The following MTOR variants were observed in gnomAD, a reference collection of about 807,000 sequenced individuals.
The protein encoded by MTOR is serine/threonine-protein kinase mTOR.
In MTOR, 70 loss-of-function variants were observed where a neutral mutation model predicts 319.8. That is an observed-to-expected ratio of 0.22 (90% CI 0.18 to 0.27). The LOEUF is 0.27. MTOR is among the 10% of genes least tolerant of loss of function. The pLI is 1.00. For missense variants in MTOR, 1,890 were observed against 3,274.4 expected, an observed-to-expected ratio of 0.58 and a Z score of 10.32; for synonymous variants, 1,183 against 1,211.4, an observed-to-expected ratio of 0.98 and a Z score of 0.49.
intron 28 of MTOR, chr1:11,192,304 G>A: frequency 6.2e-7 from 1 of 1,614,052 alleles, no homozygotes; most frequent in Non-Finnish European, 8.5e-7. Flanking sequence ...TCTACCAGAA[G>A]AACTACCGCA....
Position 11,128,867 on chromosome 1 carries a change from A to G in MTOR, c.5799T>C (p.Asp1933=), listed in dbSNP as rs766184830. 8.7e-6 allele frequency: 14 copies of G among 1,613,506 alleles called. No homozygotes were observed. The highest frequency in any genetic ancestry group is 3.3e-5 in the Admixed American group (2 of 59,978). The change falls in exon 41 of 58, where the codon GAT becomes GAC. Residue 1933 remains aspartate, a synonymous_variant. Transcript: ENST00000361445. The surrounding 1 kb of genome is among the most constrained non-coding windows in gnomAD (Gnocchi z 5.3). ...LVEGVKAIQI[D]TWLQVIPQLI... ...CAAGTATCCTCACCTGTAGCCAGGT[A>G]TCAATCTGGATGGCTTTCACCCCCT... is the stretch of plus-strand genomic sequence containing the variant.
At chr1:11,130,846 G>A (rs1415627974) in intron 38 of MTOR, 69 bp from the exon 39 acceptor site, 1 of 1,509,896 alleles carries the variant, frequency 6.6e-7, no homozygotes, top group Non-Finnish European at 8.9e-7. Flanking sequence ...AGGAGCGCAA[G>A]GTCGATGCTG....
intron 28 of MTOR, among the ~76,000 whole-genome samples, chr1:11,190,469 G>A (rs1233051759): frequency 6.6e-6 from 1 of 152,176 alleles, no homozygotes; most frequent in Non-Finnish European, 1.5e-5. Flanking sequence ...AGAGTTAAGT[G>A]TAGAGACACA....
chr1:11,132,139 A>G (rs1312337784), intron 38 of MTOR: 1 of 152,232 alleles, frequency 6.6e-6, no homozygotes, highest in African/African-American at 2.4e-5. Context: ...AACTAAAACT[A>G]AAGTTCCTGA....
At position 11,157,137 on chromosome 1, in the gene MTOR, T is replaced by C. The variant is rs373904935; in HGVS notation, c.4469+15A>G. 3.3e-5 allele frequency: 52 copies of C among 1,590,702 alleles called. 1 individual carries two copies. In the African/African-American group the frequency reaches 7.0e-4, roughly 22 times the overall value. ...TCTCTTGCAGCCACACATGCCATCATTCTAGGAAGCTCACCATTCCCCCAA... is the reference window on the plus strand; with the variant it reads ...TCTCTTGCAGCCACACATGCCATCACTCTAGGAAGCTCACCATTCCCCCAA... On this transcript the variant is annotated intron_variant, in intron 30 of 57. Coordinates refer to ENST00000361445, the MANE Select transcript of MTOR (RefSeq NM_004958.4).
chr1:11,126,536 G>A, intron 46 of MTOR, 86 bp downstream of exon 46: 1 of 1,434,146 alleles, frequency 7.0e-7, no homozygotes, highest in Non-Finnish European at 9.5e-7. Flanking sequence ...TAGTGGGAAT[G>A]GCAAGCAGTA....
intron 29 of MTOR, among the ~76,000 whole-genome samples, chr1:11,161,567 G>A (rs1644479617): frequency 6.6e-6 from 1 of 152,166 alleles, no homozygotes; most frequent in Non-Finnish European, 1.5e-5. Flanking sequence ...ACACGGCTGG[G>A]TGCCCCTCTG....
chr1:11,204,510 T>C, intron 26 of MTOR, 51 bp downstream of exon 26: 2 of 1,560,138 alleles, frequency 1.3e-6, no homozygotes, highest in Non-Finnish European at 1.7e-6. Flanking sequence ...CTAATTTGTA[T>C]ATATCGTTTT....
intron 26 of MTOR, among the ~76,000 whole-genome samples, chr1:11,200,741 C>T (rs1390015608): frequency 6.6e-6 from 1 of 152,056 alleles, no homozygotes; most frequent in Admixed American, 6.5e-5. Context: ...TAAGGCCAGG[C>T]GTGGTGGCTC....
At chr1:11,123,895 C>T (rs1642676031) in intron 47 of MTOR, among the ~76,000 whole-genome samples, 1 of 152,114 alleles carries the variant, frequency 6.6e-6, no homozygotes. Context: ...TCAAGCAATT[C>T]TCGTGCCTCA....
At position 11,212,867 on chromosome 1, in the gene MTOR, G is replaced by A. The variant is rs950136394; in HGVS notation, c.3327C>T (p.Asp1109=). ...AIQLFGANLD[D]YLHLLLPPIV... is the part of the protein sequence containing the mutation. ...TAGGAGGCAGCAGTAAATGCAGGTA[G>A]TCATCCAGGTTGGCGCCAAACAGCT... The change falls in exon 22 of 58, where the codon GAC becomes GAT. Residue 1109 remains aspartate (D), a synonymous_variant. Coordinates refer to ENST00000361445, the MANE Select transcript of MTOR (RefSeq NM_004958.4). This position sits in a 1 kb window ranked among gnomAD's most constrained non-coding sequence, Gnocchi z 4.1. 9 of 1,614,154 alleles carry A rather than the reference G, an allele frequency of 5.6e-6. No homozygotes were observed. The highest frequency in any genetic ancestry group is 7.6e-6 in the Non-Finnish European group (9 of 1,180,002).
intron 28 of MTOR, chr1:11,194,735 A>C (rs1645714146): frequency 6.2e-7 from 1 of 1,604,702 alleles, no homozygotes; most frequent in Non-Finnish European, 8.5e-7. Context: ...AGAGTGAATT[A>C]TAACTGTACA....
intron 45 of MTOR, 90 bp downstream of exon 45, chr1:11,126,920 G>A (rs2100399198): frequency 6.3e-7 from 1 of 1,577,782 alleles, no homozygotes; most frequent in South Asian, 1.2e-5. Context: ...AAAACCAGAT[G>A]CTTTGGAATG....
At chr1:11,196,191 G>T (rs1645777026) in intron 28 of MTOR, among the ~76,000 whole-genome samples, 1 of 152,146 alleles carries the variant, frequency 6.6e-6, no homozygotes, top group African/African-American at 2.4e-5. Flanking sequence ...GTCTGGGGCT[G>T]GGCAGTGAAG....
chr1:11,218,935 C>T (rs1646568080), intron 19 of MTOR, among the ~76,000 whole-genome samples: 1 of 152,080 alleles, frequency 6.6e-6, no homozygotes, highest in Non-Finnish European at 1.5e-5. Flanking sequence ...TGGCCAGGCG[C>T]AGTGGCTCAC....
intron 36 of MTOR, 102 bp from the exon 37 acceptor site, chr1:11,134,568 A>G (rs767103745): frequency 6.7e-6 from 6 of 896,334 alleles, no homozygotes; most frequent in Non-Finnish European, 9.1e-6. Flanking sequence ...CCCCTCTCCA[A>G]ACAGAATACC....
chr1:11,150,994 T>C (rs1331432278), intron 30 of MTOR, among the ~76,000 whole-genome samples: 1 of 152,202 alleles, frequency 6.6e-6, no homozygotes, highest in Admixed American at 6.5e-5. Flanking sequence ...CTCCTTAATT[T>C]TTCCTGCTTT....
intron 50 of MTOR, among the ~76,000 whole-genome samples, chr1:11,116,022 C>T (rs1570911205): frequency 6.6e-6 from 1 of 152,242 alleles, no homozygotes; most frequent in East Asian, 1.9e-4. Flanking sequence ...AAACAAAAAT[C>T]TACTATTTTT....
At chr1:11,107,621 C>G (rs1023015939) in intron 57 of MTOR, 121 bp from the exon 58 acceptor site, 2 of 1,040,386 alleles carry the variant, frequency 1.9e-6, no homozygotes, top group African/African-American at 3.3e-5. Flanking sequence ...CTGAGCTCTC[C>G]CACAGCTAAT....
Sources: allele counts gnomAD v4.1 joint callset (sites outside exome capture counted in the v4.1 genomes callset), GRCh38; gene constraint gnomAD v4.1.1; non-coding constraint Gnocchi (gnomAD v3.1); transcripts MANE v1.5; gene names NCBI Gene and HGNC (gene_info 2026-07-23, HGNC 2026-07-21).